PARK7: variants seen among roughly 807,000 people sequenced by gnomAD.
PARK7 encodes the protein Parkinson disease protein 7.
A neutral mutation model predicts 20.5 loss-of-function variants in PARK7; 14 were observed. The ratio of observed to expected loss-of-function variants is 0.68; its 90% CI spans 0.45 to 1.07. The LOEUF (loss-of-function observed/expected upper bound fraction) is 1.07, where lower values mean the gene tolerates loss of function less well. PARK7 is among the 50% of genes least tolerant of loss of function. The probability of loss-of-function intolerance (pLI) is 0.00; values close to 1 mark genes in which losing one functional copy is unlikely to be tolerated. For missense variants in PARK7, 234 were observed against 238.1 expected (o/e 0.98, Z 0.11); for synonymous variants, 98 against 84.3 (o/e 1.16, Z -0.89).
intron 2 of PARK7, 139 bp from the exon 3 acceptor site, chr1:7,965,183 AGT>A (rs1413896503): frequency 1.4e-6 from 1 of 725,984 alleles, no homozygotes; most frequent in African/African-American, 1.8e-5. Context: ...TGGAGGCTGC[AGT>A]AAGCTATGAT....
At chr1:7,974,134 A>AC (rs373742818) in intron 5 of PARK7, among the ~76,000 whole-genome samples, 3,369 of 129,108 alleles carry the variant, frequency 0.026, 197 homozygotes, top group African/African-American at 0.081. Context: ...ACATAGTGAG[A>AC]CCCCCCCACC....
intron 2 of PARK7, among the ~76,000 whole-genome samples, chr1:7,963,684 C>T (rs926623938): frequency 4.6e-5 from 7 of 151,972 alleles, no homozygotes; most frequent in African/African-American, 1.7e-4. Context: ...CCCTCAGACT[C>T]GTTTCTTAAA....
chr1:7,970,519 G>A (rs1640443064), intron 4 of PARK7, among the ~76,000 whole-genome samples: 1 of 152,156 alleles, frequency 6.6e-6, no homozygotes, highest in South Asian at 2.1e-4. Flanking sequence ...GTAAGAAGTG[G>A]GTTGTGTCAG....
In PARK7 at chr1:7,965,414, G is replaced by A. The variant is rs761582953; in HGVS notation, c.181G>A (p.Ala61Thr). The change falls in exon 3 of 7, where the codon GCA becomes ACA. Residue 61 changes from alanine to threonine, a missense_variant. By Grantham distance (58) the Ala-to-Thr change is moderately conservative. Coordinates refer to ENST00000338639, the MANE Select transcript of PARK7 (RefSeq NM_007262.5). ...TTGTCCTGATGCCAGCCTTGAAGAT[G>A]CAAAAAAAGAGGTTTGTAATCCATA... Reference protein sequence around the residue: ...VICPDASLEDAKKEGPYDVVV... With the variant: ...VICPDASLEDTKKEGPYDVVV... The A allele has an allele frequency of 1.9e-6, 3 of 1,613,926 alleles. No individual in the cohort carries two copies. The highest frequency in any genetic ancestry group is 1.1e-5 in the South Asian group (1 of 91,076).
At chr1:7,966,253 G>A (rs1640327016) in intron 3 of PARK7, among the ~76,000 whole-genome samples, 1 of 152,086 alleles carries the variant, frequency 6.6e-6, no homozygotes, top group Non-Finnish European at 1.5e-5. Context: ...AACCTGGAGT[G>A]CGGTTCCCTG....
At chr1:7,964,111 C>T (rs2151428071) in intron 2 of PARK7, among the ~76,000 whole-genome samples, 1 of 152,296 alleles carries the variant, frequency 6.6e-6, no homozygotes, top group East Asian at 1.9e-4. Context: ...CTGCACCCGC[C>T]CCCACGCATG....
At chr1:7,981,460 G>C in intron 6 of PARK7, among the ~76,000 whole-genome samples, 1 of 152,162 alleles carries the variant, frequency 6.6e-6, no homozygotes, top group East Asian at 1.9e-4. Context: ...GCTCCCCAAA[G>C]GCCAGGTGGT....
intron 6 of PARK7, among the ~76,000 whole-genome samples, chr1:7,981,070 C>T (rs1426678729): frequency 5.3e-5 from 8 of 152,042 alleles, no homozygotes; most frequent in Non-Finnish European, 1.2e-4. Flanking sequence ...TGTGTGATTC[C>T]GTTTCTCATT....
At position 7,984,484 on chromosome 1, in the gene PARK7, T is replaced by C. The variant is rs1367109166; in HGVS notation, c.410-410T>C. Among the ~76,000 whole-genome samples, 1 of 152,140 alleles carries C rather than the reference T, an allele frequency of 6.6e-6. No homozygotes were observed. Among genetic ancestry groups the C allele is most frequent in the Admixed American group, 6.5e-5 (1 of 15,270 alleles). ...TGGTTGTTTTTGAGGCATCAGAGGG[T>C]GTGCGTGCCGCCACATGTTGATTGG... is the stretch of plus-strand genomic sequence containing the variant. On this transcript the variant is annotated intron_variant, in intron 6 of 6. Transcript: ENST00000338639. This position sits in a 1 kb window ranked among gnomAD's most constrained non-coding sequence, Gnocchi z 4.3.
In PARK7 at chr1:7,984,324, T is replaced by C. The variant is rs987682702; in HGVS notation, c.410-570T>C. Among the ~76,000 whole-genome samples, 2 of 152,160 alleles carry C rather than the reference T, an allele frequency of 1.3e-5. No homozygotes were observed. Among genetic ancestry groups the C allele is most frequent in the Non-Finnish European group, 1.5e-5 (1 of 68,020 alleles). ...CTTAAGAGTCCCAGTTTTGGTATTA[T>C]ATTTGCCAAGAAATAGCCAACCGGC... On this transcript the variant is annotated intron_variant, in intron 6 of 6. Coordinates refer to ENST00000338639, the MANE Select transcript of PARK7 (RefSeq NM_007262.5). This position sits in a 1 kb window ranked among gnomAD's most constrained non-coding sequence, Gnocchi z 4.3.
chr1:7,982,263 C>T (rs559079653), intron 6 of PARK7, among the ~76,000 whole-genome samples: 10 of 151,848 alleles, frequency 6.6e-5, no homozygotes, highest in African/African-American at 2.2e-4. Context: ...TTGGAATTAC[C>T]GGCATGAGCC....
In PARK7 at chr1:7,977,640, T is replaced by G. The variant is rs775425663; in HGVS notation, c.323-12T>G. Reference sequence around the variant, plus strand: ...TATATCTGCACTTAGATCTTTTTATTTTTATTCTTAGGTCCTACTGCTCTG... The same window carrying G: ...TATATCTGCACTTAGATCTTTTTATGTTTATTCTTAGGTCCTACTGCTCTG... On this transcript the variant is annotated splice_polypyrimidine_tract_variant and intron_variant, in intron 5 of 6. Coordinates refer to ENST00000338639, the MANE Select transcript of PARK7 (RefSeq NM_007262.5). 1.2e-5 allele frequency: 19 copies of G among 1,611,286 alleles called. No homozygotes were observed. In the South Asian group the frequency reaches 2.0e-4, roughly 17 times the overall value.
intron 1 of PARK7, among the ~76,000 whole-genome samples, chr1:7,962,525 G>A (rs1379719792): frequency 1.3e-5 from 2 of 152,090 alleles, no homozygotes; most frequent in Non-Finnish European, 2.9e-5. Context: ...GAAAATCTAA[G>A]CAATACTACA....
Position 7,977,668 on chromosome 1 carries a change from G to A in PARK7, c.339G>A (p.Leu113=). ...AAICAGPTAL[L]AHEIGFGSKV... The stretch of plus-strand genomic sequence containing the variant: ...TATTCTTAGGTCCTACTGCTCTGTT[G>A]GCTCATGAAATAGGTTTTGGAAGTA... The change falls in exon 6 of 7, where the codon TTG becomes TTA. Residue 113 remains leucine, a synonymous_variant. Transcript: ENST00000338639. The A allele has an allele frequency of 6.2e-7, 1 of 1,613,932 alleles. No individual in the cohort carries two copies. The highest frequency in any genetic ancestry group is 8.5e-7 in the Non-Finnish European group (1 of 1,179,896).
intron 1 of PARK7, 59 bp downstream of exon 1, chr1:7,961,852 T>C (rs1640209168): frequency 8.8e-6 from 1 of 113,498 alleles, no homozygotes; most frequent in Admixed American, 8.3e-5. Context: ...GGCGTGGGGG[T>C]GCTGGACGGT....
intron 5 of PARK7, among the ~76,000 whole-genome samples, chr1:7,972,292 C>T (rs544541712): frequency 9.9e-5 from 15 of 152,104 alleles, no homozygotes; most frequent in African/African-American, 3.4e-4. Flanking sequence ...GCCAGACCCC[C>T]ATCTCAACAA....
chr1:7,971,949 T>A (rs896094804), intron 5 of PARK7: 7 of 151,912 alleles, frequency 4.6e-5, no homozygotes, highest in South Asian at 2.1e-4. Flanking sequence ...AAAAATAAAA[T>A]AAAATAAAAT....
chr1:7,964,218 A>C (rs944702140), intron 2 of PARK7, among the ~76,000 whole-genome samples: 6 of 152,212 alleles, frequency 3.9e-5, no homozygotes, highest in Admixed American at 3.3e-4. Flanking sequence ...AAGTAGAACT[A>C]ACTCTGTGCC....
intron 3 of PARK7, among the ~76,000 whole-genome samples, chr1:7,966,920 T>C (rs1439629278): frequency 6.6e-6 from 1 of 152,188 alleles, no homozygotes; most frequent in African/African-American, 2.4e-5. Context: ...TTTCTTTGTG[T>C]TGGGAACGTT....
Sources: allele counts gnomAD v4.1 joint callset (sites outside exome capture counted in the v4.1 genomes callset), GRCh38; gene constraint gnomAD v4.1.1; non-coding constraint Gnocchi (gnomAD v3.1); transcripts MANE v1.5; gene names NCBI Gene and HGNC (gene_info 2026-07-23, HGNC 2026-07-21).